RAPGEF1: variants seen among roughly 807,000 people sequenced by gnomAD.
RAPGEF1 encodes the protein CRK SH3-binding GNRP.
In RAPGEF1, 33 loss-of-function variants were observed where a neutral mutation model predicts 143.3. The ratio of observed to expected loss-of-function variants is 0.23; its 90% CI spans 0.17 to 0.31. The LOEUF (loss-of-function observed/expected upper bound fraction) is 0.31, where lower values mean the gene tolerates loss of function less well. Among genes scored for constraint, RAPGEF1 ranks in the 10% least tolerant of loss-of-function variants. The pLI, the probability that RAPGEF1 is intolerant of heterozygous loss-of-function variation, is 1.00. For missense variants in RAPGEF1, 1,199 were observed against 1,645.4 expected, an observed-to-expected ratio of 0.73 and a Z score of 4.69; for synonymous variants, 629 against 676.5, an observed-to-expected ratio of 0.93 and a Z score of 1.09.
At chr9:131,651,132 A>G (rs1414389300) in intron 1 of RAPGEF1, among the ~76,000 whole-genome samples, 183 bp from the exon 2 acceptor site, 1 of 152,232 alleles carries the variant, frequency 6.6e-6, no homozygotes, top group Non-Finnish European at 1.5e-5. Context: ...AATTTTTGCA[A>G]TTTTCATCAA....
intron 1 of RAPGEF1, among the ~76,000 whole-genome samples, chr9:131,712,815 T>G (rs1835601459): frequency 6.6e-6 from 1 of 152,144 alleles, no homozygotes; most frequent in African/African-American, 2.4e-5. Flanking sequence ...CCAACCCTTC[T>G]CAATCATGGC....
At chr9:131,691,945 T>A (rs1160243060) in intron 1 of RAPGEF1, among the ~76,000 whole-genome samples, 3 of 152,248 alleles carry the variant, frequency 2.0e-5, no homozygotes, top group African/African-American at 7.2e-5. Context: ...AACGAAATAT[T>A]TATGTTTTCT....
In RAPGEF1 at chr9:131,681,240, G is replaced by C. The variant is rs1588989461; in HGVS notation, c.62-30291C>G. Reference sequence around the variant, plus strand: ...TTATTTTGAAGAAAATGATCCTCCAGATCTTTCTTTTCCGGAGGACACTGG... The same window carrying C: ...TTATTTTGAAGAAAATGATCCTCCACATCTTTCTTTTCCGGAGGACACTGG... On this transcript the variant is annotated intron_variant, in intron 1 of 26. Coordinates refer to ENST00000683357, the MANE Select transcript of RAPGEF1 (RefSeq NM_001377935.1). Among the ~76,000 whole-genome samples, 4 of 152,112 alleles carry C rather than the reference G, an allele frequency of 2.6e-5. No homozygotes were observed. The South Asian group carries it at 8.3e-4, about 32-fold the overall frequency.
At position 131,579,369 on chromosome 9, in the gene RAPGEF1, G is replaced by C. The variant is rs1456850298; in HGVS notation, c.*128C>G. On this transcript the variant is annotated 3_prime_UTR_variant, in exon 27 of 27. Coordinates refer to ENST00000683357, the MANE Select transcript of RAPGEF1 (RefSeq NM_001377935.1). ...TCCAGCTCCCGCCCGGCCCCGCTGA[G>C]GGCTGGCCAGCCTCATGGCTCCGAG... 1.5e-6 allele frequency: 2 copies of C among 1,342,340 alleles called. No individual in the cohort carries two copies. Among genetic ancestry groups the C allele is most frequent in the Non-Finnish European group, 2.0e-6 (2 of 982,338 alleles). 83.2% of individuals were successfully genotyped at this position (1,342,340 alleles called of 1,614,324 possible). A position where few individuals can be genotyped will look rare whatever the true frequency, so the allele number is the denominator to read the frequency against.
In RAPGEF1 at chr9:131,615,482, G is replaced by A. The variant is rs112204154; in HGVS notation, c.2061+3569C>T. Among the ~76,000 whole-genome samples, 471 of 152,326 alleles carry A rather than the reference G, an allele frequency of 3.1e-3. 1 individual carries two copies. The highest frequency in any genetic ancestry group is 0.011 in the African/African-American group (442 of 41,584). ...CTCTCGGTCTGAAGCCTGTGCAGGGGACGGTTGGAGGGACTCCCTGGGACC... is the reference window on the plus strand; with the variant it reads ...CTCTCGGTCTGAAGCCTGTGCAGGGAACGGTTGGAGGGACTCCCTGGGACC... On this transcript the variant is annotated intron_variant, in intron 12 of 26. Transcript: ENST00000683357.
chr9:131,622,963 TTG>T (rs1233047431), intron 10 of RAPGEF1, among the ~76,000 whole-genome samples: 1 of 152,170 alleles, frequency 6.6e-6, no homozygotes, highest in African/African-American at 2.4e-5. Context: ...AGATGGGGTT[TTG>T]CCATGTTGGT....
At chr9:131,619,756 T>C (rs747141687) in intron 11 of RAPGEF1, among the ~76,000 whole-genome samples, 4 of 152,200 alleles carry the variant, frequency 2.6e-5, no homozygotes, top group Non-Finnish European at 5.9e-5. Context: ...ACTTGAAATA[T>C]TGCTTACCAC....
Position 131,628,602 on chromosome 9 carries a change from G to A in RAPGEF1, c.964C>T (p.Pro322Ser), listed in dbSNP as rs1421743489. The change falls in exon 8 of 27, where the codon CCC (proline) becomes TCC (serine). Residue 322 changes from proline (P) to serine (S), a missense_variant. By Grantham distance (74) the Pro-to-Ser change is moderately conservative. Transcript: ENST00000683357. The surrounding 1 kb of genome is among the most constrained non-coding windows in gnomAD (Gnocchi z 5.7). The part of the protein sequence containing the change: ...PSPTRVAVVA[P>S]MSRATSGSSL... Reference sequence around the variant, plus strand: ...GAGCCACTGGTGGCTCGGCTCATGGGGGCCACCACAGCCACTCGGGTAGGG... The same window carrying A: ...GAGCCACTGGTGGCTCGGCTCATGGAGGCCACCACAGCCACTCGGGTAGGG... 3 of 1,613,114 alleles carry A rather than the reference G, an allele frequency of 1.9e-6. No individual in the cohort carries two copies. The highest frequency in any genetic ancestry group is 2.5e-6 in the Non-Finnish European group (3 of 1,179,286).
At chr9:131,651,030 T>A (rs1221405996) in intron 1 of RAPGEF1, 81 bp from the exon 2 acceptor site, 4 of 1,505,858 alleles carry the variant, frequency 2.7e-6, no homozygotes, top group Non-Finnish European at 2.7e-6. Context: ...AAATGAGCAA[T>A]GTCCCCAAAC....
At chr9:131,627,852 C>T (rs891095408) in intron 9 of RAPGEF1, 61 bp downstream of exon 9, 10 of 1,519,314 alleles carry the variant, frequency 6.6e-6, no homozygotes, top group Non-Finnish European at 8.0e-6. Context: ...CCACCCAGGA[C>T]TGTAATGGCC....
chr9:131,690,352 G>A (rs1226523213), intron 1 of RAPGEF1, among the ~76,000 whole-genome samples: 2 of 152,184 alleles, frequency 1.3e-5, no homozygotes, highest in Non-Finnish European at 2.9e-5. Flanking sequence ...GGACAAAACA[G>A]AATCGATCAG....
chr9:131,690,226 T>C (rs1327907600), intron 1 of RAPGEF1, among the ~76,000 whole-genome samples: 1 of 152,210 alleles, frequency 6.6e-6, no homozygotes, highest in Non-Finnish European at 1.5e-5. Context: ...GGAAATAAGA[T>C]ACTTTCTAAA....
At chr9:131,612,691 CCAGGT>C (rs1207953161) in intron 12 of RAPGEF1, among the ~76,000 whole-genome samples, 1 of 152,174 alleles carries the variant, frequency 6.6e-6, no homozygotes, top group African/African-American at 2.4e-5. Context: ...TTCCACAAGA[CCAGGT>C]CAAGCTGAGT....
chr9:131,717,600 T>C (rs760461402), intron 1 of RAPGEF1, among the ~76,000 whole-genome samples: 13 of 152,076 alleles, frequency 8.5e-5, no homozygotes, highest in Non-Finnish European at 1.0e-4. Flanking sequence ...ACATGGTCCC[T>C]GTCTCTATTA....
intron 1 of RAPGEF1, among the ~76,000 whole-genome samples, chr9:131,734,034 GACTAGT>G (rs1243966681): frequency 6.6e-6 from 1 of 152,188 alleles, no homozygotes; most frequent in South Asian, 2.1e-4. Context: ...CTGTTAATGT[GACTAGT>G]ATTACGAGTA....
chr9:131,664,774 CT>C (rs1384661931), intron 1 of RAPGEF1, among the ~76,000 whole-genome samples: 2 of 152,078 alleles, frequency 1.3e-5, no homozygotes, highest in Non-Finnish European at 2.9e-5. Flanking sequence ...ATTCTTTTTT[CT>C]GTGTGGGTTA....
In RAPGEF1 at chr9:131,737,423, G is replaced by A. The variant is rs367560859; in HGVS notation, c.61+2347C>T. The A allele has an allele frequency of 4.3e-4, 698 of 1,613,904 alleles. 1 individual carries two copies. The highest frequency in any genetic ancestry group is 5.5e-4 in the Non-Finnish European group (652 of 1,179,876). ...CTCTCACCTGTGTCCATGGCAGCACGGTCGCTCGGTCTGGCAGCCTGGGTA... is the reference window on the plus strand; with the variant it reads ...CTCTCACCTGTGTCCATGGCAGCACAGTCGCTCGGTCTGGCAGCCTGGGTA... On this transcript the variant is annotated intron_variant, in intron 1 of 26. Coordinates refer to ENST00000683357, the MANE Select transcript of RAPGEF1 (RefSeq NM_001377935.1).
rs780305984 is a variant in RAPGEF1, at chr9:131,633,959, G to A, written c.652-3635C>T. Among the ~76,000 whole-genome samples the A allele has an allele frequency of 1.1e-3, 172 of 152,214 alleles. 3 individuals are homozygous for A. Among genetic ancestry groups the A allele is most frequent in the Admixed American group, 1.3e-3 (20 of 15,282 alleles). On this transcript the variant is annotated intron_variant, in intron 5 of 26. Transcript: ENST00000683357. ...AGACTTTTTAATTGTCCTGAGGCAC[G>A]AGTTAGAAAAGACTGAAAAAGGCCA...
intron 1 of RAPGEF1, among the ~76,000 whole-genome samples, chr9:131,707,730 A>T (rs1409404407): frequency 1.3e-5 from 2 of 152,154 alleles, no homozygotes; most frequent in African/African-American, 2.4e-5. Flanking sequence ...ATTGTTTTTA[A>T]TTGGAGAAAA....
Sources: allele counts gnomAD v4.1 joint callset (sites outside exome capture counted in the v4.1 genomes callset), GRCh38; gene constraint gnomAD v4.1.1; non-coding constraint Gnocchi (gnomAD v3.1); transcripts MANE v1.5; gene names NCBI Gene and HGNC (gene_info 2026-07-23, HGNC 2026-07-21).